PTPRD: variants seen among roughly 807,000 people sequenced by gnomAD.
The protein encoded by PTPRD is protein tyrosine phosphatase receptor type D, also known as receptor-type tyrosine-protein phosphatase delta.
A neutral mutation model predicts 214.5 loss-of-function variants in PTPRD; 34 were observed. The ratio of observed to expected loss-of-function variants is 0.16; its 90% CI spans 0.12 to 0.21. The LOEUF (loss-of-function observed/expected upper bound fraction) is 0.21, where lower values mean the gene tolerates loss of function less well. Among genes scored for constraint, PTPRD ranks in the 10% least tolerant of loss-of-function variants. The probability of loss-of-function intolerance (pLI) is 1.00; values close to 1 mark genes in which losing one functional copy is unlikely to be tolerated. For missense variants in PTPRD, 2,545 were observed against 2,398.7 expected (o/e 1.06, Z -1.27); for synonymous variants, 1,128 against 845.7 (o/e 1.33, Z -5.79).
chr9:8,605,594 G>C (rs1487088240), intron 14 of PTPRD, among the ~76,000 whole-genome samples: 1 of 152,170 alleles, frequency 6.6e-6, no homozygotes, highest in Non-Finnish European at 1.5e-5. Flanking sequence ...TAAGCCTCTG[G>C]AAGCCTCCAT....
At chr9:9,930,450 T>A (rs1050005149) in intron 5 of PTPRD, among the ~76,000 whole-genome samples, 1 of 152,178 alleles carries the variant, frequency 6.6e-6, no homozygotes, top group African/African-American at 2.4e-5. Context: ...CATTTTCACA[T>A]AAAAACAATT....
At chr9:8,885,337 A>G (rs145060161) in intron 11 of PTPRD, among the ~76,000 whole-genome samples, 1 of 152,238 alleles carries the variant, frequency 6.6e-6, no homozygotes, top group Non-Finnish European at 1.5e-5. Context: ...GTTTAGGGAT[A>G]AAACTGGGAG....
chr9:8,781,207 G>A lies in PTPRD; in HGVS notation c.-103-47261C>T, dbSNP rs1365759657. On this transcript the variant is annotated intron_variant, in intron 11 of 45. Coordinates refer to ENST00000381196, the MANE Select transcript of PTPRD (RefSeq NM_002839.4). ...GATACAAGAAAGAGAATTTATCATC[G>A]GCAGGGGGCAATCAGCTGTCCAGAG... Among the ~76,000 whole-genome samples the A allele has an allele frequency of 5.9e-5, 9 of 152,092 alleles. 1 individual carries two copies. The South Asian group carries it at 6.2e-4, about 11-fold the overall frequency.
intron 8 of PTPRD, among the ~76,000 whole-genome samples, chr9:9,517,687 T>C (rs1262160528): frequency 6.6e-6 from 1 of 152,060 alleles, no homozygotes; most frequent in African/African-American, 2.4e-5. Context: ...CAAGGGGTCA[T>C]TGAAAAACAT....
intron 7 of PTPRD, among the ~76,000 whole-genome samples, chr9:9,687,769 A>G (rs527309668): frequency 4.6e-5 from 7 of 151,984 alleles, no homozygotes; most frequent in Non-Finnish European, 8.8e-5. Context: ...GTTGATAACA[A>G]TAAGTAGACC....
intron 2 of PTPRD, among the ~76,000 whole-genome samples, chr9:10,489,557 C>A (rs528408044): frequency 6.6e-6 from 1 of 152,194 alleles, no homozygotes; most frequent in African/African-American, 2.4e-5. Context: ...GCCTAGACTG[C>A]CTTTCAAGTT....
chr9:8,844,792 G>C (rs2097652607), intron 11 of PTPRD, among the ~76,000 whole-genome samples: 1 of 152,238 alleles, frequency 6.6e-6, no homozygotes, highest in African/African-American at 2.4e-5. Flanking sequence ...GCAAAGTGAA[G>C]TGTGGCTAGG....
intron 39 of PTPRD, among the ~76,000 whole-genome samples, chr9:8,358,071 T>C (rs1053051078): frequency 6.6e-6 from 1 of 152,188 alleles, no homozygotes; most frequent in African/African-American, 2.4e-5. Context: ...TGGCATCGTT[T>C]TGGATTGTGA....
intron 8 of PTPRD, among the ~76,000 whole-genome samples, chr9:9,542,891 A>G (rs1413376261): frequency 6.6e-6 from 1 of 151,710 alleles, no homozygotes; most frequent in Non-Finnish European, 1.5e-5. Context: ...TTTAATAATT[A>G]TTTTAGAGAA....
chr9:9,094,330 C>T (rs867339494), intron 10 of PTPRD, among the ~76,000 whole-genome samples: 1 of 152,084 alleles, frequency 6.6e-6, no homozygotes, highest in African/African-American at 2.4e-5. Flanking sequence ...CATCGATTGC[C>T]ACTCAGCCAT....
chr9:8,825,522 TAAAAG>T (rs1434780755), intron 11 of PTPRD, among the ~76,000 whole-genome samples: 4 of 152,192 alleles, frequency 2.6e-5, no homozygotes, highest in African/African-American at 4.8e-5. Flanking sequence ...TGTAATAGCT[TAAAAG>T]AAAAGGTTCC....
chr9:8,795,240 C>T (rs576780186), intron 11 of PTPRD, among the ~76,000 whole-genome samples: 4 of 152,202 alleles, frequency 2.6e-5, no homozygotes, highest in South Asian at 2.1e-4. Context: ...TCTCGGCTCA[C>T]TGCAACCTCC....
chr9:8,429,919 T>C (rs190739463), intron 35 of PTPRD, among the ~76,000 whole-genome samples: 4 of 152,324 alleles, frequency 2.6e-5, no homozygotes, highest in Non-Finnish European at 2.9e-5. Context: ...GTAATACTAC[T>C]AACAGAGCTA....
chr9:8,381,079 T>C (rs1461046921), intron 37 of PTPRD, among the ~76,000 whole-genome samples: 2 of 152,156 alleles, frequency 1.3e-5, no homozygotes, highest in Admixed American at 6.6e-5. Context: ...AGGCAATAAA[T>C]GATACGTGGG....
At chr9:8,334,292 C>A (rs1018434691) in intron 43 of PTPRD, among the ~76,000 whole-genome samples, 1 of 152,026 alleles carries the variant, frequency 6.6e-6, no homozygotes, top group Non-Finnish European at 1.5e-5. Flanking sequence ...GTAAAACACT[C>A]CTCAGCAAAT....
chr9:10,567,425 TAA>T (rs966590728), intron 2 of PTPRD, among the ~76,000 whole-genome samples: 3 of 152,112 alleles, frequency 2.0e-5, no homozygotes, highest in Non-Finnish European at 4.4e-5. Flanking sequence ...CCTTAAGTGA[TAA>T]GTTTTCAATT....
intron 2 of PTPRD, among the ~76,000 whole-genome samples, chr9:10,586,561 A>G (rs2073949376): frequency 1.3e-5 from 2 of 152,128 alleles, no homozygotes; most frequent in Admixed American, 1.3e-4. Flanking sequence ...GAAATAAATG[A>G]CAACGATAGT....
chr9:9,686,348 A>G (rs1002515411), intron 7 of PTPRD, among the ~76,000 whole-genome samples: 1 of 151,374 alleles, frequency 6.6e-6, no homozygotes, highest in Non-Finnish European at 1.5e-5. Context: ...TGTATTCTGT[A>G]TATCATTTCA....
rs145316937 is a variant in PTPRD at position 10,432,355 on chromosome 9, G to A, written c.-599-91338C>T. On this transcript the variant is annotated intron_variant, in intron 2 of 45. Transcript: ENST00000381196. ...AATGCTAGATGACGATTTAGTGGGTGCAGCGCACCAGCATGGCACATGTAT... is the reference window on the plus strand; with the variant it reads ...AATGCTAGATGACGATTTAGTGGGTACAGCGCACCAGCATGGCACATGTAT... 3.5e-3 allele frequency among the ~76,000 whole-genome samples: 524 copies of A among 151,412 alleles called. 3 individuals carry two copies. Among genetic ancestry groups the A allele is most frequent in the African/African-American group, 0.012 (496 of 41,310 alleles).
Sources: gnomAD v4.1 joint callset for allele counts (sites outside exome capture counted in the v4.1 genomes callset) on GRCh38, gnomAD v4.1.1 for gene constraint, MANE v1.5 for transcripts, NCBI Gene and HGNC (gene_info 2026-07-23, HGNC 2026-07-21) for gene names.